The following MTA3 variants were observed in gnomAD, a reference collection of about 807,000 sequenced individuals.
MTA3 encodes the protein metastasis associated 1 family member 3, also known as metastasis-associated protein MTA3.
MTA3 carries 34 observed loss-of-function variants against 83.5 expected under a neutral mutation model. The observed-to-expected ratio is 0.41, with a 90% CI of 0.31 to 0.54. The LOEUF (loss-of-function observed/expected upper bound fraction) is 0.54, where lower values mean the gene tolerates loss of function less well. Ranked by LOEUF, MTA3 falls within the 20% of genes least tolerant of loss-of-function variation. The pLI is 0.33. For synonymous variants in MTA3, 303 were observed against 252.7 expected, an observed-to-expected ratio of 1.20 and a Z score of -1.89; for missense variants, 761 against 726.4, an observed-to-expected ratio of 1.05 and a Z score of -0.55.
At chr2:42,509,176 G>A (rs1330783271) in intron 2 of MTA3, among the ~76,000 whole-genome samples, 1 of 151,930 alleles carries the variant, frequency 6.6e-6, no homozygotes, top group Non-Finnish European at 1.5e-5. Context: ...CCAAGTAGCT[G>A]GGACTACAGG....
At chr2:42,680,913 C>CT (rs1691833952) in intron 8 of MTA3, among the ~76,000 whole-genome samples, 1 of 60,940 alleles carries the variant, frequency 1.6e-5, no homozygotes, top group African/African-American at 8.7e-5. Context: ...GCCACCATGC[C>CT]TGTTTTTTTG....
At chr2:42,639,077 T>C (rs891961138) in intron 4 of MTA3, among the ~76,000 whole-genome samples, 22 of 151,024 alleles carry the variant, frequency 1.5e-4, no homozygotes, top group Admixed American at 4.0e-4. Flanking sequence ...TTTTTTTTTT[T>C]TGAGGCGGAG....
intron 6 of MTA3, among the ~76,000 whole-genome samples, chr2:42,650,586 C>T (rs1458160636): frequency 1.3e-5 from 2 of 151,982 alleles, no homozygotes; most frequent in African/African-American, 4.8e-5. Context: ...ACTACAGGTG[C>T]CCACCACCAA....
chr2:42,635,801 C>G (rs548957454), intron 4 of MTA3, among the ~76,000 whole-genome samples: 1 of 152,246 alleles, frequency 6.6e-6, no homozygotes, highest in South Asian at 2.1e-4. Flanking sequence ...GAATTTCACT[C>G]TGTCACCCAG....
chr2:42,544,832 A>C (rs560342371), intron 2 of MTA3, among the ~76,000 whole-genome samples: 1 of 152,214 alleles, frequency 6.6e-6, no homozygotes, highest in Non-Finnish European at 1.5e-5. Context: ...GCTTTCAGTT[A>C]CAAGGAAGTG....
chr2:42,696,295 A>T (rs1045612714), intron 10 of MTA3, among the ~76,000 whole-genome samples: 2 of 152,174 alleles, frequency 1.3e-5, no homozygotes, highest in African/African-American at 4.8e-5. Flanking sequence ...CTTGACCTTA[A>T]ATGTAGTAGT....
intron 2 of MTA3, among the ~76,000 whole-genome samples, chr2:42,549,494 AT>A (rs1676989325): frequency 2.8e-5 from 1 of 36,028 alleles, no homozygotes; most frequent in African/African-American, 4.2e-4. Flanking sequence ...TAAATTATAT[AT>A]TATATCATAT....
At chr2:42,568,619 T>TCCCTTCCCTCCCTTCCCC (rs1678063312), upstream of MTA3, 7 of 126,770 alleles carry the variant, frequency 5.5e-5, no homozygotes, top group African/African-American at 2.7e-4. Flanking sequence ...CTCCCTTCCC[T>TCCCTTCCCTCCCTTCCCC]CCCTTCCCCC....
intron 4 of MTA3, among the ~76,000 whole-genome samples, chr2:42,623,882 G>A (rs1023582349): frequency 6.6e-6 from 1 of 151,906 alleles, no homozygotes; most frequent in Non-Finnish European, 1.5e-5. Context: ...AAGTAGAGAC[G>A]GGGTTTCACC....
chr2:42,630,090 C>T (rs774867927), intron 4 of MTA3, among the ~76,000 whole-genome samples: 23 of 152,088 alleles, frequency 1.5e-4, no homozygotes, highest in Admixed American at 1.0e-3. Context: ...ACAATTTAAG[C>T]GATCCTTAAA....
At chr2:42,535,319 G>A (rs932583716) in intron 2 of MTA3, among the ~76,000 whole-genome samples, 10 of 152,076 alleles carry the variant, frequency 6.6e-5, no homozygotes, top group African/African-American at 1.4e-4. Flanking sequence ...CCTGGGAGGC[G>A]GAGATTGCAG....
chr2:42,615,248 G>A (rs911293503), intron 4 of MTA3, among the ~76,000 whole-genome samples: 2 of 149,840 alleles, frequency 1.3e-5, no homozygotes, highest in Non-Finnish European at 3.0e-5. Context: ...AAGATCTATT[G>A]TCTGTTTTTT....
intron 2 of MTA3, among the ~76,000 whole-genome samples, chr2:42,536,900 T>C (rs1676271425): frequency 6.7e-6 from 1 of 148,174 alleles, no homozygotes; most frequent in African/African-American, 2.5e-5. Flanking sequence ...TGGTCCCTCA[T>C]GTCCCATGTT....
intron 2 of MTA3, among the ~76,000 whole-genome samples, chr2:42,521,494 C>T (rs887918431): frequency 6.6e-6 from 1 of 152,182 alleles, no homozygotes; most frequent in Admixed American, 6.5e-5. Flanking sequence ...TATCACATAA[C>T]AATAGATAAC....
intron 3 of MTA3, among the ~76,000 whole-genome samples, chr2:42,595,944 G>A (rs189372470): frequency 6.6e-6 from 1 of 152,178 alleles, no homozygotes; most frequent in Non-Finnish European, 1.5e-5. Flanking sequence ...GTTTCTGAAA[G>A]CATTTGTCTG....
chr2:42,520,402 C>A (rs1224081531), intron 2 of MTA3, among the ~76,000 whole-genome samples: 1 of 152,200 alleles, frequency 6.6e-6, no homozygotes, highest in Non-Finnish European at 1.5e-5. Context: ...CCACCATCCA[C>A]CTGCTTCAGT....
intron 10 of MTA3, 138 bp downstream of exon 10, chr2:42,695,977 C>T (rs1005747332): frequency 1.8e-6 from 1 of 564,420 alleles, no homozygotes; most frequent in Non-Finnish European, 3.1e-6. Flanking sequence ...TACATGATTT[C>T]ATATCTTTAG....
intron 16 of MTA3, among the ~76,000 whole-genome samples, chr2:42,739,439 T>C (rs1283739783): frequency 7.2e-6 from 1 of 138,054 alleles, no homozygotes; most frequent in Non-Finnish European, 1.6e-5. Flanking sequence ...AAAAATACTT[T>C]ATTGCTAAAA....
intron 3 of MTA3, among the ~76,000 whole-genome samples, chr2:42,595,142 C>G (rs1681635862): frequency 7.1e-6 from 1 of 140,218 alleles, no homozygotes; most frequent in South Asian, 2.3e-4. Context: ...CAGAGTCCCG[C>G]TCTGTCACCC....
Sources: allele counts gnomAD v4.1 joint callset (sites outside exome capture counted in the v4.1 genomes callset), GRCh38; gene constraint gnomAD v4.1.1; transcripts MANE v1.5; gene names NCBI Gene and HGNC (gene_info 2026-07-23, HGNC 2026-07-21).